AGBL4: variants seen among roughly 807,000 people sequenced by gnomAD.
AGBL4 encodes the protein AGBL carboxypeptidase 4, also known as cytosolic carboxypeptidase 6.
In AGBL4, 58 loss-of-function variants were observed where a neutral mutation model predicts 66.4. The observed-to-expected ratio is 0.87, with a 90% CI of 0.71 to 1.09. AGBL4 has a LOEUF of 1.09. Among genes scored for constraint, AGBL4 ranks in the 50% least tolerant of loss-of-function variants. AGBL4 has a pLI of 0.00. For missense variants in AGBL4, 579 were observed against 631.0 expected, an observed-to-expected ratio of 0.92 and a Z score of 0.88; for synonymous variants, 234 against 222.9, an observed-to-expected ratio of 1.05 and a Z score of -0.44.
At chr1:48,801,417 T>C (rs930480899) in intron 6 of AGBL4, among the ~76,000 whole-genome samples, 14 of 152,194 alleles carry the variant, frequency 9.2e-5, no homozygotes, top group African/African-American at 3.4e-4. Context: ...GGAATCTTCT[T>C]TCACCTTGTG....
intron 6 of AGBL4, among the ~76,000 whole-genome samples, chr1:48,854,881 G>C (rs1163640430): frequency 1.3e-5 from 2 of 152,160 alleles, no homozygotes; most frequent in African/African-American, 4.8e-5. Context: ...CCTGAGAATG[G>C]TGTTAATACT....
intron 6 of AGBL4, among the ~76,000 whole-genome samples, chr1:48,798,260 C>T (rs1445208224): frequency 6.6e-6 from 1 of 152,080 alleles, no homozygotes; most frequent in Non-Finnish European, 1.5e-5. Context: ...TGTTTGTTGG[C>T]CATTTCTATA....
In AGBL4 at chr1:49,107,694, TGAGAGAGAGAGAGA is replaced by T. The variant is rs56321932; in HGVS notation, c.378-61908_378-61895del. On this transcript the variant is annotated intron_variant, in intron 4 of 13. Coordinates refer to ENST00000371839, the MANE Select transcript of AGBL4 (RefSeq NM_032785.4). ...GTGTATGTGTGTGTGTGTGTGTGTG[TGAGAGAGAGAGAGA>T]GAGAGAGAGAGAGAGAGAGAGAGAG... 8.7e-3 allele frequency among the ~76,000 whole-genome samples: 992 copies of T among 113,998 alleles called. 4 individuals are homozygous for T. Among genetic ancestry groups the T allele is most frequent in the Middle Eastern group, 0.028 (6 of 218 alleles). 74.8% of individuals were successfully genotyped at this position (113,998 alleles called of 152,430 possible).
intron 3 of AGBL4, among the ~76,000 whole-genome samples, chr1:49,539,241 CATT>C (rs1318041911): frequency 1.3e-5 from 2 of 152,046 alleles, no homozygotes; most frequent in Non-Finnish European, 2.9e-5. Flanking sequence ...TTTATTAAAA[CATT>C]AACAATTATA....
chr1:48,746,303 G>T (rs12037643), intron 6 of AGBL4, among the ~76,000 whole-genome samples: 1 of 151,998 alleles, frequency 6.6e-6, no homozygotes, highest in Admixed American at 6.5e-5. Flanking sequence ...GCTTAAGTTC[G>T]TCTCTACTAA....
At chr1:49,611,967 C>G (rs1645163464) in intron 3 of AGBL4, among the ~76,000 whole-genome samples, 2 of 151,992 alleles carry the variant, frequency 1.3e-5, no homozygotes, top group South Asian at 4.1e-4. Flanking sequence ...ATAATTTTTC[C>G]TTACTACTGC....
intron 3 of AGBL4, among the ~76,000 whole-genome samples, chr1:49,502,739 A>G (rs1427242209): frequency 1.3e-5 from 2 of 152,026 alleles, no homozygotes; most frequent in Non-Finnish European, 2.9e-5. Context: ...TAGTAAAGAG[A>G]CTGATGGTAT....
intron 3 of AGBL4, among the ~76,000 whole-genome samples, chr1:49,457,660 C>A (rs1356053975): frequency 6.6e-6 from 1 of 151,738 alleles, no homozygotes; most frequent in Non-Finnish European, 1.5e-5. Flanking sequence ...AAGGGTTTTT[C>A]TGATGCTATC....
intron 6 of AGBL4, among the ~76,000 whole-genome samples, chr1:48,676,977 T>C (rs1425635859): frequency 2.0e-5 from 3 of 152,050 alleles, no homozygotes; most frequent in African/African-American, 7.3e-5. Context: ...TGGCCCAGGC[T>C]CTCTGCTCCC....
chr1:49,121,831 G>T (rs1175884530), intron 4 of AGBL4, among the ~76,000 whole-genome samples: 1 of 152,248 alleles, frequency 6.6e-6, no homozygotes, highest in Admixed American at 6.5e-5. Context: ...GTCTATAGAG[G>T]CAGCAGGCCT....
chr1:49,383,871 A>T (rs894960141), intron 3 of AGBL4, among the ~76,000 whole-genome samples: 2 of 151,676 alleles, frequency 1.3e-5, no homozygotes, highest in African/African-American at 4.9e-5. Flanking sequence ...ATCTTGGCTC[A>T]TTGCGACCGC....
At chr1:49,701,495 G>T (rs1035987107) in intron 2 of AGBL4, among the ~76,000 whole-genome samples, 1 of 151,902 alleles carries the variant, frequency 6.6e-6, no homozygotes, top group Non-Finnish European at 1.5e-5. Flanking sequence ...TCATCAAATT[G>T]TATACAACAA....
At chr1:49,594,058 G>A (rs565487519) in intron 3 of AGBL4, among the ~76,000 whole-genome samples, 23 of 152,212 alleles carry the variant, frequency 1.5e-4, no homozygotes, top group South Asian at 6.2e-4. Context: ...CTCAGGCAGC[G>A]TTGCAGAAAA....
chr1:49,223,284 G>T (rs562118913), intron 4 of AGBL4, among the ~76,000 whole-genome samples: 2 of 152,286 alleles, frequency 1.3e-5, no homozygotes, highest in African/African-American at 4.8e-5. Flanking sequence ...TATCACAGAA[G>T]GGGAGAGGAA....
At chr1:48,590,706 C>G in intron 10 of AGBL4, 127 bp downstream of exon 10, 3 of 1,074,020 alleles carry the variant, frequency 2.8e-6, no homozygotes, top group Middle Eastern at 3.1e-4. Context: ...TCTTCATCAC[C>G]CACACAATAC....
chr1:49,116,796 A>T (rs1487303469), intron 4 of AGBL4, among the ~76,000 whole-genome samples: 1 of 152,220 alleles, frequency 6.6e-6, no homozygotes, highest in Non-Finnish European at 1.5e-5. Context: ...GGATCGGCAC[A>T]GTGGCTTCCA....
At chr1:49,985,568 T>C (rs1171807857) in intron 1 of AGBL4, among the ~76,000 whole-genome samples, 2 of 152,164 alleles carry the variant, frequency 1.3e-5, no homozygotes, top group African/African-American at 4.8e-5. Flanking sequence ...TGTTGTTCTA[T>C]AGATGAGAGA....
chr1:48,718,402 T>C (rs2148528331), intron 6 of AGBL4, among the ~76,000 whole-genome samples: 1 of 152,126 alleles, frequency 6.6e-6, no homozygotes, highest in East Asian at 1.9e-4. Flanking sequence ...TATAAACACC[T>C]CCCAAAGCTC....
chr1:49,836,788 G>A (rs1571680720), intron 2 of AGBL4, among the ~76,000 whole-genome samples: 1 of 152,142 alleles, frequency 6.6e-6, no homozygotes, highest in East Asian at 1.9e-4. Context: ...TGTTGATGTT[G>A]ATGCTATTCC....
Sources: gnomAD v4.1 joint callset for allele counts (sites outside exome capture counted in the v4.1 genomes callset) on GRCh38, gnomAD v4.1.1 for gene constraint, MANE v1.5 for transcripts, NCBI Gene and HGNC (gene_info 2026-07-23, HGNC 2026-07-21) for gene names.